The following LRCH2 variants were observed in gnomAD, a reference collection of about 807,000 sequenced individuals.
LRCH2 encodes leucine rich repeats and calponin homology domain containing 2, also known as leucine-rich repeat and calponin homology domain-containing protein 2.
In LRCH2, 38 loss-of-function variants were observed where a neutral mutation model predicts 68.9. That is an observed-to-expected ratio of 0.55 (90% CI 0.43 to 0.72). The LOEUF (loss-of-function observed/expected upper bound fraction) is 0.72, where lower values mean the gene tolerates loss of function less well. LRCH2 is among the 30% of genes least tolerant of loss of function. The probability of loss-of-function intolerance (pLI) is 0.00; values close to 1 mark genes in which losing one functional copy is unlikely to be tolerated. For missense variants in LRCH2, 528 were observed against 572.9 expected (o/e 0.92, Z 0.80); for synonymous variants, 191 against 208.1 (o/e 0.92, Z 0.71).
chrX:115,214,123 T>C (rs1034610788), intron 1 of LRCH2, among the ~76,000 whole-genome samples: 5 of 112,433 alleles, frequency 4.4e-5, no homozygotes, highest in Non-Finnish European at 9.4e-5. Flanking sequence ...ATGTTCTCTG[T>C]TCTTTGGTAA....
chrX:115,177,771 G>C (rs2072661827), intron 5 of LRCH2, among the ~76,000 whole-genome samples: 1 of 110,273 alleles, frequency 9.1e-6, no homozygotes, highest in Admixed American at 9.7e-5. Context: ...TTAGGTATTT[G>C]TCCCAATGCT....
intron 1 of LRCH2, among the ~76,000 whole-genome samples, chrX:115,224,438 T>A (rs981870871): frequency 4.5e-5 from 5 of 111,012 alleles, no homozygotes; most frequent in African/African-American, 1.6e-4. Flanking sequence ...ATCCCAGCAC[T>A]TTGGGAGGCC....
intron 14 of LRCH2, among the ~76,000 whole-genome samples, chrX:115,138,272 G>A (rs782608598): frequency 1.1e-4 from 12 of 111,662 alleles, no homozygotes; most frequent in African/African-American, 3.6e-4. Flanking sequence ...GAGAAGGAAT[G>A]TCATAGAGAG....
chrX:115,185,397 G>T (rs1384756609), intron 2 of LRCH2, among the ~76,000 whole-genome samples: 2 of 111,599 alleles, frequency 1.8e-5, no homozygotes, highest in African/African-American at 6.5e-5. Context: ...CTGGCTCTGG[G>T]GTCTTTGCCC....
In LRCH2 at chrX:115,233,910, C is replaced by CCCGCCG. The variant is rs782056580; in HGVS notation, c.126_131dup (p.Gly43_Gly44dup). On this transcript the variant is annotated inframe_insertion, in exon 1 of 21. Transcript: ENST00000317135. Reference sequence around the variant, plus strand: ...GTACCGGGATGGGGACCACCAGGGTCCCGCCGCCGCCGCCGCCTCCCCCTC... The same window carrying CCCGCCG: ...GTACCGGGATGGGGACCACCAGGGTCCCGCCGCCGCCGCCGCCGCCGCCTCCCCCTC... The CCCGCCG allele has an allele frequency of 7.1e-6, 8 of 1,125,628 alleles. No homozygotes were observed. The highest frequency in any genetic ancestry group is 1.8e-5 in the African/African-American group (1 of 54,256). 92.8% of individuals were successfully genotyped at this position (1,125,628 alleles called of 1,213,427 possible). A position where few individuals can be genotyped will look rare whatever the true frequency, so the allele number is the denominator to read the frequency against.
At chrX:115,148,227 C>T (rs895253195) in intron 14 of LRCH2, among the ~76,000 whole-genome samples, 1 of 112,210 alleles carries the variant, frequency 8.9e-6, no homozygotes, top group African/African-American at 3.2e-5. Context: ...CTGAAGAATA[C>T]TACTTTGCAT....
intron 1 of LRCH2, among the ~76,000 whole-genome samples, chrX:115,213,712 C>A (rs1413181688): frequency 9.0e-6 from 1 of 111,717 alleles, no homozygotes; most frequent in Non-Finnish European, 1.9e-5. Context: ...ACAGCATCAT[C>A]CTTGGGGTAT....
intron 1 of LRCH2, among the ~76,000 whole-genome samples, chrX:115,228,404 G>A (rs914288098): frequency 2.7e-5 from 3 of 111,288 alleles, no homozygotes; most frequent in Non-Finnish European, 3.8e-5. Flanking sequence ...ATGATCACTA[G>A]CCTCTGCAGA....
At chrX:115,169,158 T>C (rs782213427) in intron 6 of LRCH2, among the ~76,000 whole-genome samples, 10 of 112,043 alleles carry the variant, frequency 8.9e-5, no homozygotes, top group Non-Finnish European at 1.9e-4. Flanking sequence ...AGAATACAAT[T>C]TGAAATTTTA....
chrX:115,226,452 T>G (rs1603107252), intron 1 of LRCH2, among the ~76,000 whole-genome samples: 2 of 111,068 alleles, frequency 1.8e-5, no homozygotes, highest in South Asian at 7.6e-4. Flanking sequence ...GACAATCAGA[T>G]TTGCATATTA....
intron 11 of LRCH2, among the ~76,000 whole-genome samples, chrX:115,162,043 C>G (rs1331980373): frequency 9.3e-6 from 1 of 107,049 alleles, no homozygotes; most frequent in Non-Finnish European, 1.9e-5. Flanking sequence ...CCTCAGCCTC[C>G]CAAGTGGCTA....
At chrX:115,177,222 G>A (rs1367746684) in intron 5 of LRCH2, among the ~76,000 whole-genome samples, 5 of 108,527 alleles carry the variant, frequency 4.6e-5, no homozygotes. Context: ...ATAGGCATGA[G>A]CTACCATCCG....
intron 1 of LRCH2, among the ~76,000 whole-genome samples, chrX:115,230,435 T>C (rs1360309151): frequency 9.0e-6 from 1 of 110,807 alleles, no homozygotes; most frequent in African/African-American, 3.3e-5. Context: ...ACCTGAGCTC[T>C]ATCCCAATAA....
intron 14 of LRCH2, among the ~76,000 whole-genome samples, chrX:115,140,621 G>A (rs1556533835): frequency 9.0e-6 from 1 of 110,741 alleles, no homozygotes; most frequent in Non-Finnish European, 1.9e-5. Flanking sequence ...AGAATTCAGG[G>A]TGAGTCCCAG....
intron 5 of LRCH2, among the ~76,000 whole-genome samples, chrX:115,176,751 C>CT (rs782070547): frequency 0.011 from 1,033 of 97,198 alleles, 18 homozygotes; most frequent in African/African-American, 0.031. Context: ...CTTTTTTTTT[C>CT]TTTTTTTTTT....
intron 1 of LRCH2, chrX:115,192,596 G>A: frequency 8.5e-7 from 1 of 1,171,447 alleles, no homozygotes; most frequent in Non-Finnish European, 1.1e-6. Flanking sequence ...AGGGGCGGAG[G>A]CCGTCAAGGA....
At chrX:115,163,884 A>G in intron 10 of LRCH2, 101 bp from the exon 11 acceptor site, 1 of 522,056 alleles carries the variant, frequency 1.9e-6, no homozygotes, top group South Asian at 4.0e-5. Flanking sequence ...ACACCATATG[A>G]AAGTTAAAAT....
chrX:115,143,116 AAAACAAAAG>A (rs1322582264), intron 14 of LRCH2, among the ~76,000 whole-genome samples: 1 of 111,507 alleles, frequency 9.0e-6, no homozygotes, highest in Non-Finnish European at 1.9e-5. Flanking sequence ...CAAACAAACA[AAAACAAAAG>A]AAATAATAAA....
chrX:115,192,321 C>T (rs1556561152), intron 1 of LRCH2: 1 of 1,080,945 alleles, frequency 9.3e-7, no homozygotes. Context: ...CTGACGCCCA[C>T]AGTGGGGGCC....
Sources: allele counts gnomAD v4.1 joint callset (sites outside exome capture counted in the v4.1 genomes callset), GRCh38; gene constraint gnomAD v4.1.1; transcripts MANE v1.5; gene names NCBI Gene and HGNC (gene_info 2026-07-23, HGNC 2026-07-21).